Variants in PCSK5 observed in about 807,000 individuals in gnomAD.
PCSK5 encodes the protein prohormone convertase 5.
In PCSK5, 129 loss-of-function variants were observed where a neutral mutation model predicts 233.2. The observed-to-expected ratio is 0.55, with a 90% CI of 0.48 to 0.64. The LOEUF is 0.64. Ranked by LOEUF, PCSK5 falls within the 30% of genes least tolerant of loss-of-function variation. The pLI, the probability that PCSK5 is intolerant of heterozygous loss-of-function variation, is 0.00. For missense variants in PCSK5, 2,076 were observed against 2,430.1 expected (o/e 0.85, Z 3.06); for synonymous variants, 825 against 879.2 (o/e 0.94, Z 1.09).
chr9:75,951,665 C>T (rs116687264), intron 2 of PCSK5, among the ~76,000 whole-genome samples: 1,636 of 152,100 alleles, frequency 0.011, 25 homozygotes, highest in African/African-American at 0.038. Context: ...ACCTCCTTAT[C>T]CACAGATTCC....
intron 2 of PCSK5, among the ~76,000 whole-genome samples, chr9:75,968,108 T>C (rs1276901922): frequency 2.0e-5 from 3 of 152,226 alleles, no homozygotes; most frequent in Non-Finnish European, 2.9e-5. Flanking sequence ...ATAAGTTATC[T>C]TCACTGATCC....
chr9:76,032,274 T>A (rs1227389501), intron 5 of PCSK5, among the ~76,000 whole-genome samples: 4 of 152,184 alleles, frequency 2.6e-5, no homozygotes, highest in Non-Finnish European at 5.9e-5. Flanking sequence ...TCAAGCAGTA[T>A]TCATTAAGAC....
At chr9:76,250,617 AC>A (rs1826770506) in intron 24 of PCSK5, among the ~76,000 whole-genome samples, 1 of 152,110 alleles carries the variant, frequency 6.6e-6, no homozygotes, top group Non-Finnish European at 1.5e-5. Flanking sequence ...CCCAATTAAT[AC>A]TCAAAACTGT....
intron 5 of PCSK5, among the ~76,000 whole-genome samples, chr9:76,048,039 C>T (rs1039219057): frequency 6.6e-6 from 1 of 152,168 alleles, no homozygotes; most frequent in African/African-American, 2.4e-5. Context: ...GCCGCTGTCA[C>T]GTTGCCGTCC....
intron 24 of PCSK5, among the ~76,000 whole-genome samples, chr9:76,282,110 C>G (rs562807985): frequency 6.5e-5 from 3 of 46,238 alleles, no homozygotes; most frequent in African/African-American, 2.0e-4. Context: ...GTGCACCATT[C>G]TTTTCTTTGC....
intron 24 of PCSK5, among the ~76,000 whole-genome samples, chr9:76,242,919 T>C (rs905495940): frequency 2.6e-5 from 4 of 152,184 alleles, no homozygotes; most frequent in Admixed American, 6.5e-5. Context: ...CTTCCTTCCA[T>C]AGCTTCAAGA....
chr9:76,030,575 TAAC>T (rs146650252), intron 5 of PCSK5, among the ~76,000 whole-genome samples: 17,007 of 152,206 alleles, frequency 0.11, 1,099 homozygotes, highest in Non-Finnish European at 0.14. Flanking sequence ...CACATACTAA[TAAC>T]AAATTTATAT....
intron 37 of PCSK5, among the ~76,000 whole-genome samples, chr9:76,357,705 G>T (rs1830336128): frequency 6.6e-6 from 1 of 152,164 alleles, no homozygotes; most frequent in Non-Finnish European, 1.5e-5. Flanking sequence ...TCCTGGATTT[G>T]AATTCTGATT....
At chr9:76,118,307 T>C (rs375128547) in intron 9 of PCSK5, among the ~76,000 whole-genome samples, 1 of 150,814 alleles carries the variant, frequency 6.6e-6, no homozygotes, top group African/African-American at 2.5e-5. Flanking sequence ...AAAGGTATAT[T>C]TTTTAATTTT....
intron 24 of PCSK5, among the ~76,000 whole-genome samples, chr9:76,279,349 T>C (rs938104495): frequency 3.4e-5 from 5 of 149,184 alleles, no homozygotes; most frequent in African/African-American, 1.3e-4. Context: ...TCTTTGCTAT[T>C]GTGAATAATG....
At chr9:76,263,440 A>T (rs1346623315) in intron 24 of PCSK5, among the ~76,000 whole-genome samples, 1 of 152,222 alleles carries the variant, frequency 6.6e-6, no homozygotes, top group African/African-American at 2.4e-5. Flanking sequence ...ACGGAATACT[A>T]TAAAGCCATA....
intron 4 of PCSK5, among the ~76,000 whole-genome samples, chr9:76,025,221 C>T (rs1004415369): frequency 2.6e-5 from 4 of 151,998 alleles, no homozygotes; most frequent in Admixed American, 6.6e-5. Flanking sequence ...TTTACTTTCA[C>T]GAACATTGAA....
At chr9:76,224,410 T>C (rs183421010) in intron 20 of PCSK5, among the ~76,000 whole-genome samples, 1 of 152,048 alleles carries the variant, frequency 6.6e-6, no homozygotes, top group East Asian at 1.9e-4. Context: ...AGATGACTTT[T>C]GACATTGAGA....
intron 24 of PCSK5, among the ~76,000 whole-genome samples, chr9:76,261,517 T>A (rs1194856680): frequency 6.6e-6 from 1 of 152,160 alleles, no homozygotes; most frequent in Non-Finnish European, 1.5e-5. Context: ...GGAATCCCAT[T>A]CACAATAACC....
chr9:76,177,018 G>C (rs1332414218), intron 14 of PCSK5, among the ~76,000 whole-genome samples: 1 of 152,146 alleles, frequency 6.6e-6, no homozygotes, highest in Non-Finnish European at 1.5e-5. Context: ...GGCCAGGTGC[G>C]GTGGCCCACG....
chr9:76,054,648 A>G (rs1329407890), intron 5 of PCSK5, among the ~76,000 whole-genome samples: 1 of 152,222 alleles, frequency 6.6e-6, no homozygotes, highest in African/African-American at 2.4e-5. Flanking sequence ...CAAACCTACA[A>G]CTATTTTTAA....
chr9:76,139,864 G>A (rs1004545381), intron 10 of PCSK5, among the ~76,000 whole-genome samples: 3 of 152,000 alleles, frequency 2.0e-5, no homozygotes, highest in Non-Finnish European at 4.4e-5. Context: ...GTTTTGCCTG[G>A]TAGATGATTT....
rs550106864 is a variant in PCSK5 at position 76,051,530 on chromosome 9, T to C, written c.633-16425T>C. Among the ~76,000 whole-genome samples the C allele has an allele frequency of 4.6e-5, 7 of 152,310 alleles. No homozygotes were observed. The South Asian group carries it at 6.2e-4, about 14-fold the overall frequency. On this transcript the variant is annotated intron_variant, in intron 5 of 37. Coordinates refer to ENST00000674117, the MANE Select transcript of PCSK5 (RefSeq NM_001372043.1). The stretch of plus-strand genomic sequence containing the variant: ...AACAGCATTTCTGACAGTTCATTAC[T>C]TGAAAGTGTTATATTTTTATTTTCT...
intron 21 of PCSK5, among the ~76,000 whole-genome samples, chr9:76,232,341 G>A (rs1564124171): frequency 6.6e-6 from 1 of 152,186 alleles, no homozygotes; most frequent in African/African-American, 2.4e-5. Context: ...CGTATGCTAT[G>A]TGCTCAGTGA....
Sources: allele counts gnomAD v4.1 joint callset (sites outside exome capture counted in the v4.1 genomes callset), GRCh38; gene constraint gnomAD v4.1.1; transcripts MANE v1.5; gene names NCBI Gene and HGNC (gene_info 2026-07-23, HGNC 2026-07-21).